Variants in DLG2 observed in about 807,000 individuals in gnomAD.
The protein encoded by DLG2 is disks large homolog 2.
Under a neutral mutation model 132.5 loss-of-function variants are expected in DLG2, and 45 were observed. The observed-to-expected ratio is 0.34, with a 90% CI of 0.27 to 0.44. DLG2 has a LOEUF of 0.44. Among genes scored for constraint, DLG2 ranks in the 20% least tolerant of loss-of-function variants. The pLI is 1.00. For synonymous variants in DLG2, 424 were observed against 419.6 expected (o/e 1.01, Z -0.13); for missense variants, 1,045 against 1,196.9 (o/e 0.87, Z 1.87).
chr11:85,008,531 A>C (rs112262695), intron 6 of DLG2, among the ~76,000 whole-genome samples: 2 of 152,180 alleles, frequency 1.3e-5, no homozygotes, highest in African/African-American at 4.8e-5. Context: ...TGTACATTTT[A>C]AAATGGTAAA....
chr11:84,365,910 C>G (rs887644129), intron 7 of DLG2, among the ~76,000 whole-genome samples: 2 of 152,034 alleles, frequency 1.3e-5, no homozygotes, highest in Admixed American at 6.6e-5. Context: ...TCCAGGAGAA[C>G]TTCCCCAATC....
intron 2 of DLG2, among the ~76,000 whole-genome samples, chr11:85,617,709 A>G (rs184771641): frequency 6.6e-6 from 1 of 152,204 alleles, no homozygotes; most frequent in Non-Finnish European, 1.5e-5. Context: ...TAGCTTGTTT[A>G]TTACCTATGA....
chr11:84,937,177 T>C (rs2048851332), intron 6 of DLG2, among the ~76,000 whole-genome samples: 2 of 152,120 alleles, frequency 1.3e-5, no homozygotes, highest in African/African-American at 4.8e-5. Flanking sequence ...AATCAATACC[T>C]ATCTAGATAA....
chr11:83,731,145 G>A (rs111920888), intron 18 of DLG2, among the ~76,000 whole-genome samples: 13 of 152,056 alleles, frequency 8.5e-5, no homozygotes, highest in Non-Finnish European at 1.6e-4. Context: ...TCTTTTGTAA[G>A]TTCAGAGAAA....
At chr11:84,362,756 G>T (rs1297669871) in intron 7 of DLG2, among the ~76,000 whole-genome samples, 2 of 151,910 alleles carry the variant, frequency 1.3e-5, no homozygotes, top group African/African-American at 2.4e-5. Context: ...GAGAATGTGC[G>T]GTGTTTGGTT....
At chr11:84,536,681 C>T (rs940740308) in intron 6 of DLG2, among the ~76,000 whole-genome samples, 1 of 152,186 alleles carries the variant, frequency 6.6e-6, no homozygotes, top group African/African-American at 2.4e-5. Flanking sequence ...CTCATAAAGG[C>T]ACTACCATCT....
At chr11:85,524,325 A>G (rs1039773965) in intron 3 of DLG2, among the ~76,000 whole-genome samples, 8 of 152,188 alleles carry the variant, frequency 5.3e-5, no homozygotes, top group South Asian at 2.1e-4. Context: ...ATAATTTCAC[A>G]TTGTATGCCT....
intron 3 of DLG2, among the ~76,000 whole-genome samples, chr11:85,386,126 T>C (rs1324560213): frequency 6.6e-6 from 1 of 152,214 alleles, no homozygotes; most frequent in African/African-American, 2.4e-5. Flanking sequence ...GGAGGAAATA[T>C]GAAATTGTGG....
At chr11:85,437,246 C>A (rs1012062721) in intron 3 of DLG2, among the ~76,000 whole-genome samples, 11 of 151,682 alleles carry the variant, frequency 7.3e-5, no homozygotes, top group Non-Finnish European at 8.8e-5. Context: ...CAGCAAACCA[C>A]CATGCCACAT....
intron 6 of DLG2, among the ~76,000 whole-genome samples, chr11:84,541,185 TATTATAATAATA>T (rs1315756759): frequency 9.1e-5 from 8 of 87,438 alleles, no homozygotes; most frequent in African/African-American, 4.2e-4. Flanking sequence ...GAACTTGAAG[TATTATAATAATA>T]ATAATAATAA....
intron 18 of DLG2, among the ~76,000 whole-genome samples, chr11:83,680,768 A>C (rs574623334): frequency 6.6e-6 from 1 of 152,196 alleles, no homozygotes. Flanking sequence ...AGTTTTTGGT[A>C]TAATCAGAAA....
At position 84,637,000 on chromosome 11, in the gene DLG2, C is replaced by T. The variant is rs1268817355; in HGVS notation, c.358-102269G>A. On this transcript the variant is annotated intron_variant, in intron 6 of 27. Coordinates refer to ENST00000376104, the MANE Select transcript of DLG2 (RefSeq NM_001142699.3). Reference sequence around the variant, plus strand: ...ACGGGTCTTCGCCATGTTGGCCAGGCTGGTCTTGAACTCCTGACCTCAGAT... The same window carrying T: ...ACGGGTCTTCGCCATGTTGGCCAGGTTGGTCTTGAACTCCTGACCTCAGAT... Among the ~76,000 whole-genome samples, 3 of 151,882 alleles carry T rather than the reference C, an allele frequency of 2.0e-5. No homozygotes were observed. The South Asian group carries it at 6.2e-4, about 32-fold the overall frequency.
At chr11:84,464,993 A>T (rs905336456) in intron 7 of DLG2, among the ~76,000 whole-genome samples, 2 of 151,296 alleles carry the variant, frequency 1.3e-5, no homozygotes, top group Non-Finnish European at 3.0e-5. Context: ...CAAAACTGAC[A>T]GAATATTCCA....
At chr11:84,391,698 AT>A (rs1271182166) in intron 7 of DLG2, among the ~76,000 whole-genome samples, 1 of 152,126 alleles carries the variant, frequency 6.6e-6, no homozygotes, top group Non-Finnish European at 1.5e-5. Context: ...AGACTTCTTA[AT>A]GGAAAGCAAA....
At chr11:85,623,411 TCTC>T (rs944044911) in intron 2 of DLG2, among the ~76,000 whole-genome samples, 6 of 152,012 alleles carry the variant, frequency 3.9e-5, no homozygotes, top group Non-Finnish European at 8.8e-5. Flanking sequence ...TTCAAGCAAT[TCTC>T]CTGCGTCAGC....
At chr11:83,461,925 G>T in intron 27 of DLG2, 77 bp downstream of exon 27, 1 of 977,700 alleles carries the variant, frequency 1.0e-6, no homozygotes, top group Non-Finnish European at 1.7e-6. Flanking sequence ...AAGTACACCA[G>T]GCCCAGAACC....
chr11:85,278,810 A>G (rs1265849555), intron 4 of DLG2, among the ~76,000 whole-genome samples: 2 of 152,144 alleles, frequency 1.3e-5, no homozygotes, highest in Non-Finnish European at 2.9e-5. Context: ...TATAGTGTAA[A>G]GGAAAAATTC....
chr11:85,039,300 T>A (rs2061654412), intron 6 of DLG2, among the ~76,000 whole-genome samples: 1 of 148,394 alleles, frequency 6.7e-6, no homozygotes, highest in African/African-American at 2.5e-5. Context: ...AAGTTTGCCG[T>A]CTCTCAAAAT....
At chr11:84,749,076 A>G (rs2065766919) in intron 6 of DLG2, among the ~76,000 whole-genome samples, 1 of 152,168 alleles carries the variant, frequency 6.6e-6, no homozygotes, top group Non-Finnish European at 1.5e-5. Flanking sequence ...AATACTTGAG[A>G]TGATCTTTCA....
Sources: gnomAD v4.1 joint callset for allele counts (sites outside exome capture counted in the v4.1 genomes callset) on GRCh38, gnomAD v4.1.1 for gene constraint, MANE v1.5 for transcripts, NCBI Gene and HGNC (gene_info 2026-07-23, HGNC 2026-07-21) for gene names.